Variants in ACSM3 observed in about 807,000 individuals in gnomAD.
The protein encoded by ACSM3 is acyl-CoA synthetase medium chain family member 3.
Under a neutral mutation model 74.1 loss-of-function variants are expected in ACSM3, and 61 were observed. The observed-to-expected ratio is 0.82, with a 90% CI of 0.67 to 1.02. The LOEUF (loss-of-function observed/expected upper bound fraction) is 1.02. ACSM3 is among the 50% of genes least tolerant of loss of function. ACSM3 has a pLI of 0.00. For synonymous variants in ACSM3, 213 were observed against 241.5 expected, an observed-to-expected ratio of 0.88 and a Z score of 1.09; for missense variants, 660 against 697.0, an observed-to-expected ratio of 0.95 and a Z score of 0.60.
At chr16:20,674,730 C>G (rs1467710246) in exon 1 of ACSM3, 1 of 152,174 alleles carries the variant, frequency 6.6e-6, no homozygotes, top group African/African-American at 2.4e-5. Context: ...GAGTTTCACC[C>G]GGATGGAGAC....
At chr16:20,751,289 A>G (rs917184575) in intron 2 of ACSM3, among the ~76,000 whole-genome samples, 2 of 152,240 alleles carry the variant, frequency 1.3e-5, no homozygotes, top group African/African-American at 4.8e-5. Flanking sequence ...AAGGTCTTCT[A>G]TCTGTATGTA....
intron 1 of ACSM3, among the ~76,000 whole-genome samples, chr16:20,746,927 CCAATTTTATCTTT>C (rs1264709153): frequency 2.0e-5 from 3 of 152,198 alleles, no homozygotes; most frequent in African/African-American, 7.2e-5. Context: ...CTCTTTCCCT[CCAATTTTATCTTT>C]CAATTTTATA....
rs1567323337 is a variant in ACSM3, at chr16:20,718,020, GAAGAA to G, written c.-189-31889_-189-31885del. ...AGAAGAAGAAGAAGAAGAAGAAGAA[GAAGAA>G]GAAAAGAAAGAAGAAGAAGAACTGG... On this transcript the variant is annotated intron_variant, in intron 1 of 3. Transcript: ENST00000561584. Among the ~76,000 whole-genome samples the G allele has an allele frequency of 7.8e-4, 115 of 147,230 alleles. 1 individual carries two copies. Among genetic ancestry groups the G allele is most frequent in the African/African-American group, 2.8e-3 (110 of 38,890 alleles).
intron 1 of ACSM3, chr16:20,738,808 CAAG>C (rs1596491877): frequency 6.8e-7 from 1 of 1,476,658 alleles, no homozygotes; most frequent in Non-Finnish European, 9.3e-7. Context: ...GAGTCATGCC[CAAG>C]AAGCCATTTT....
intron 1 of ACSM3, chr16:20,680,903 G>A (rs565246104): frequency 2.4e-4 from 37 of 152,306 alleles, no homozygotes; most frequent in African/African-American, 8.2e-4. Context: ...TAACAATCAA[G>A]CCATTCTTCT....
At chr16:20,737,730 T>C (rs772521265) in intron 1 of ACSM3, 2 of 1,611,530 alleles carry the variant, frequency 1.2e-6, no homozygotes, top group South Asian at 1.1e-5. Context: ...TGATAACTTC[T>C]TCTCTATTCA....
intron 2 of ACSM3, among the ~76,000 whole-genome samples, chr16:20,772,188 C>T (rs1016387053): frequency 3.3e-5 from 5 of 152,054 alleles, no homozygotes; most frequent in Non-Finnish European, 4.4e-5. Flanking sequence ...TTCTCCCATT[C>T]TACATCTTGT....
intron 9 of ACSM3, among the ~76,000 whole-genome samples, chr16:20,787,692 C>T (rs2080504320): frequency 6.6e-6 from 1 of 152,140 alleles, no homozygotes; most frequent in Admixed American, 6.5e-5. Context: ...CTCACTTTAA[C>T]CTTGCTGTGG....
At chr16:20,707,229 G>C (rs926169183) in intron 1 of ACSM3, among the ~76,000 whole-genome samples, 5 of 152,140 alleles carry the variant, frequency 3.3e-5, no homozygotes, top group African/African-American at 1.2e-4. Context: ...CTCCAACTTA[G>C]CTACAGATCG....
chr16:20,728,570 C>A (rs2152404410), intron 1 of ACSM3: 1 of 490,958 alleles, frequency 2.0e-6, no homozygotes, highest in Non-Finnish European at 3.6e-6. Context: ...TGCTATGTAA[C>A]CTCAGGCAAG....
At chr16:20,741,398 T>C (rs1331893504) in intron 1 of ACSM3, 4 of 1,349,872 alleles carry the variant, frequency 3.0e-6, no homozygotes, top group Non-Finnish European at 3.9e-6. Context: ...CCTACAGCCG[T>C]CACGCCGACG....
upstream of ACSM3, among the ~76,000 whole-genome samples, chr16:20,760,218 T>C (rs543327339): frequency 2.6e-5 from 4 of 152,278 alleles, no homozygotes; most frequent in South Asian, 8.3e-4. Flanking sequence ...CAAAATATAT[T>C]TCTTTGACAC....
intron 1 of ACSM3, among the ~76,000 whole-genome samples, chr16:20,764,488 T>G (rs2080105058): frequency 6.6e-6 from 1 of 152,124 alleles, no homozygotes; most frequent in Non-Finnish European, 1.5e-5. Context: ...GAGGCTATGG[T>G]GGGCAGATGC....
intron 1 of ACSM3, chr16:20,682,139 G>A (rs2079458153): frequency 2.1e-6 from 2 of 947,310 alleles, no homozygotes; most frequent in Admixed American, 4.8e-5. Context: ...TAATCTGACT[G>A]GGCTGGTGCA....
intron 2 of ACSM3, 112 bp from the exon 3 acceptor site, chr16:20,775,727 C>A: frequency 2.9e-6 from 3 of 1,046,822 alleles, no homozygotes; most frequent in Non-Finnish European, 2.9e-6. Context: ...CATCCATGTT[C>A]TAACTAATGA....
At chr16:20,722,533 T>C (rs1265092286) in intron 1 of ACSM3, among the ~76,000 whole-genome samples, 1 of 152,098 alleles carries the variant, frequency 6.6e-6, no homozygotes, top group Non-Finnish European at 1.5e-5. Flanking sequence ...TGTTTAAAAA[T>C]TAAGAAAAAA....
At position 20,797,429 on chromosome 16, in the gene ACSM3, T is replaced by C. The variant is rs2080742946; in HGVS notation, c.*457T>C. 3.9e-6 allele frequency: 4 copies of C among 1,017,596 alleles called. No homozygotes were observed. The South Asian group carries it at 1.9e-4, about 47-fold the overall frequency. 63.0% of individuals were successfully genotyped at this position (1,017,596 alleles called of 1,614,324 possible). On this transcript the variant is annotated 3_prime_UTR_variant, in exon 14 of 14. Coordinates refer to ENST00000289416, the MANE Select transcript of ACSM3 (RefSeq NM_005622.4). Reference sequence around the variant, plus strand: ...ATGATAATCTCAAAGTACAAGAATCTACCTGAAAATAGACTAGGGATTTTT... The same window carrying C: ...ATGATAATCTCAAAGTACAAGAATCCACCTGAAAATAGACTAGGGATTTTT...
intron 1 of ACSM3, among the ~76,000 whole-genome samples, chr16:20,676,451 G>T (rs530002309): frequency 5.9e-5 from 9 of 152,296 alleles, no homozygotes; most frequent in African/African-American, 1.9e-4. Context: ...TTAACCCTAA[G>T]GCTGCTGAAA....
intron 1 of ACSM3, among the ~76,000 whole-genome samples, chr16:20,745,474 T>A (rs954730908): frequency 6.6e-6 from 1 of 152,054 alleles, no homozygotes; most frequent in Non-Finnish European, 1.5e-5. Context: ...TCCCAGCTAT[T>A]TGGGAGGCTA....
Sources: allele counts gnomAD v4.1 joint callset (sites outside exome capture counted in the v4.1 genomes callset), GRCh38; gene constraint gnomAD v4.1.1; transcripts MANE v1.5; gene names NCBI Gene and HGNC (gene_info 2026-07-23, HGNC 2026-07-21).